Variants in GALNT14 observed in about 807,000 individuals in gnomAD.
GALNT14 encodes polypeptide N-acetylgalactosaminyltransferase 14.
Under a neutral mutation model 77.5 loss-of-function variants are expected in GALNT14, and 60 were observed. The observed-to-expected ratio is 0.77, with a 90% CI of 0.63 to 0.96. The LOEUF (loss-of-function observed/expected upper bound fraction) is 0.96, where lower values mean the gene tolerates loss of function less well. Ranked by LOEUF, GALNT14 falls within the 40% of genes least tolerant of loss-of-function variation. The probability of loss-of-function intolerance (pLI) is 0.00; values close to 1 mark genes in which losing one functional copy is unlikely to be tolerated. For synonymous variants in GALNT14, 280 were observed against 281.7 expected, an observed-to-expected ratio of 0.99 and a Z score of 0.06; for missense variants, 710 against 731.0, an observed-to-expected ratio of 0.97 and a Z score of 0.33.
At chr2:31,017,105 C>T (rs1404926037) in intron 1 of GALNT14, among the ~76,000 whole-genome samples, 1 of 152,254 alleles carries the variant, frequency 6.6e-6, no homozygotes, top group Non-Finnish European at 1.5e-5. Flanking sequence ...CTGGCCCATG[C>T]TCTTTCTGTT....
chr2:31,049,174 G>T (rs1401162944), intron 1 of GALNT14, among the ~76,000 whole-genome samples: 1 of 152,180 alleles, frequency 6.6e-6, no homozygotes, highest in African/African-American at 2.4e-5. Flanking sequence ...CTCTACTACA[G>T]ATGTGGCCTC....
intron 1 of GALNT14, among the ~76,000 whole-genome samples, chr2:31,136,040 T>G (rs1679214984): frequency 6.6e-6 from 1 of 152,164 alleles, no homozygotes; most frequent in Non-Finnish European, 1.5e-5. Context: ...TTCATGTCCC[T>G]GCAGGTATCA....
At chr2:31,128,126 G>A (rs148294725) in intron 1 of GALNT14, among the ~76,000 whole-genome samples, 15 of 152,148 alleles carry the variant, frequency 9.9e-5, no homozygotes, top group African/African-American at 1.4e-4. Flanking sequence ...CTGATCTTAC[G>A]CTTTCCTAAG....
chr2:30,895,303 G>A, the GALNT14 span, among the ~76,000 whole-genome samples: 412 of 151,684 alleles, frequency 2.7e-3, 1 homozygote, highest in African/African-American at 8.3e-3. Flanking sequence ...AGGACATGCA[G>A]GTAATGGAGT....
In GALNT14 at chr2:31,034,752, G is replaced by A. The variant is rs1359957260; in HGVS notation, c.130-41745C>T. Among the ~76,000 whole-genome samples, 4 of 152,182 alleles carry A rather than the reference G, an allele frequency of 2.6e-5. No individual in the cohort carries two copies. The East Asian group carries it at 5.8e-4, about 22-fold the overall frequency. On this transcript the variant is annotated intron_variant, in intron 1 of 14. Transcript: ENST00000349752. ...AGCCTTAAGTTTCCCTTTAAGCAGT[G>A]CTTTACTTTAGCTGCATCTCATAAA... is the stretch of plus-strand genomic sequence containing the variant.
intron 1 of GALNT14, among the ~76,000 whole-genome samples, chr2:31,015,698 G>C (rs533397519): frequency 5.3e-5 from 8 of 152,184 alleles, no homozygotes; most frequent in Non-Finnish European, 1.2e-4. Context: ...CACCACGTCT[G>C]TAGTATTTTT....
intron 11 of GALNT14, among the ~76,000 whole-genome samples, chr2:30,925,390 C>T (rs975108706): frequency 6.6e-5 from 10 of 152,318 alleles, no homozygotes; most frequent in African/African-American, 2.2e-4. Flanking sequence ...TAAGCCATCA[C>T]AGCCCAGGTG....
At chr2:31,070,380 C>T (rs1011136205) in intron 1 of GALNT14, among the ~76,000 whole-genome samples, 13 of 152,206 alleles carry the variant, frequency 8.5e-5, no homozygotes, top group African/African-American at 3.1e-4. Context: ...TGGGTCTTGC[C>T]TAGGCTGTCC....
At chr2:31,042,601 T>C (rs547373833) in intron 1 of GALNT14, among the ~76,000 whole-genome samples, 32 of 152,172 alleles carry the variant, frequency 2.1e-4, no homozygotes, top group Non-Finnish European at 4.1e-4. Context: ...TCTCCATTGA[T>C]GGCAACTCCA....
At chr2:31,113,008 C>T (rs1677918650) in intron 1 of GALNT14, among the ~76,000 whole-genome samples, 1 of 152,278 alleles carries the variant, frequency 6.6e-6, no homozygotes, top group South Asian at 2.1e-4. Context: ...GAATAAAATC[C>T]TTTCAAACTA....
chr2:31,014,832 T>C (rs1004312548), intron 1 of GALNT14, among the ~76,000 whole-genome samples: 1 of 152,084 alleles, frequency 6.6e-6, no homozygotes, highest in African/African-American at 2.4e-5. Flanking sequence ...CACCAGTCTT[T>C]CCTGCCATAA....
intron 2 of GALNT14, among the ~76,000 whole-genome samples, chr2:30,978,800 C>G (rs1429519178): frequency 2.0e-5 from 3 of 152,180 alleles, no homozygotes; most frequent in Non-Finnish European, 4.4e-5. Context: ...AAAGATAAGT[C>G]AGCATTCCTG....
intron 2 of GALNT14, among the ~76,000 whole-genome samples, chr2:30,981,251 G>A (rs1668971301): frequency 6.6e-6 from 1 of 152,224 alleles, no homozygotes; most frequent in South Asian, 2.1e-4. Flanking sequence ...GCACTTGGGG[G>A]CAAATGGTAA....
At chr2:31,018,025 C>T (rs1466909543) in intron 1 of GALNT14, among the ~76,000 whole-genome samples, 7 of 152,174 alleles carry the variant, frequency 4.6e-5, no homozygotes, top group East Asian at 1.9e-4. Flanking sequence ...TTCCCGAGTA[C>T]GGTCAGGGCC....
intron 1 of GALNT14, among the ~76,000 whole-genome samples, chr2:31,018,236 T>G (rs1345755145): frequency 3.9e-5 from 6 of 152,260 alleles, no homozygotes; most frequent in Non-Finnish European, 8.8e-5. Flanking sequence ...TCCGAAGGAC[T>G]TGAGAGGAAT....
chr2:31,067,080 C>A (rs1465479728), intron 1 of GALNT14, among the ~76,000 whole-genome samples: 1 of 152,204 alleles, frequency 6.6e-6, no homozygotes, highest in Non-Finnish European at 1.5e-5. Flanking sequence ...GCATCATCAT[C>A]CCTCAGTGAC....
At chr2:30,924,549 C>T (rs1665240872) in intron 12 of GALNT14, among the ~76,000 whole-genome samples, 191 bp downstream of exon 12, 1 of 152,144 alleles carries the variant, frequency 6.6e-6, no homozygotes, top group Admixed American at 6.5e-5. Flanking sequence ...TAACTGTAAT[C>T]CTTCATGCTA....
At chr2:31,067,912 G>T (rs1334578123) in intron 1 of GALNT14, among the ~76,000 whole-genome samples, 1 of 152,182 alleles carries the variant, frequency 6.6e-6, no homozygotes, top group Non-Finnish European at 1.5e-5. Context: ...CAGTCTTGGG[G>T]AGGAGCAGGC....
chr2:31,034,016 C>T (rs1453783335), intron 1 of GALNT14, among the ~76,000 whole-genome samples: 1 of 152,216 alleles, frequency 6.6e-6, no homozygotes, highest in African/African-American at 2.4e-5. Flanking sequence ...GTAGGCCAGG[C>T]AAGCATTGCT....
Sources: allele counts gnomAD v4.1 joint callset (sites outside exome capture counted in the v4.1 genomes callset), GRCh38; gene constraint gnomAD v4.1.1; transcripts MANE v1.5; gene names NCBI Gene and HGNC (gene_info 2026-07-23, HGNC 2026-07-21).